ESF1: variants seen among roughly 807,000 people sequenced by gnomAD.
The protein encoded by ESF1 is ESF1 homolog.
ESF1 carries 58 observed loss-of-function variants against 92.0 expected under a neutral mutation model. That is an observed-to-expected ratio of 0.63 (90% CI 0.51 to 0.78). The LOEUF is 0.78. Ranked by LOEUF, ESF1 falls within the 30% of genes least tolerant of loss-of-function variation. The pLI is 0.00. For missense variants in ESF1, 922 were observed against 989.1 expected (o/e 0.93, Z 0.91); for synonymous variants, 321 against 313.7 (o/e 1.02, Z -0.24).
intron 10 of ESF1, among the ~76,000 whole-genome samples, chr20:13,731,102 A>G (rs2049939692): frequency 6.6e-6 from 1 of 152,176 alleles, no homozygotes; most frequent in African/African-American, 2.4e-5. Context: ...GACTTAGCCC[A>G]AATGAATGGA....
At chr20:13,733,548 C>T (rs2049957142) in intron 10 of ESF1, among the ~76,000 whole-genome samples, 173 bp downstream of exon 10, 1 of 152,138 alleles carries the variant, frequency 6.6e-6, no homozygotes, top group Admixed American at 6.5e-5. Flanking sequence ...CATTATGTGG[C>T]CATGATGAAA....
chr20:13,722,718 G>A (rs1240184856), intron 11 of ESF1, among the ~76,000 whole-genome samples: 1 of 151,748 alleles, frequency 6.6e-6, no homozygotes, highest in East Asian at 1.9e-4. Flanking sequence ...CAGGCATGGT[G>A]GTGTATGCCT....
chr20:13,754,096 T>G (rs1308513837), intron 9 of ESF1, among the ~76,000 whole-genome samples: 2 of 152,186 alleles, frequency 1.3e-5, no homozygotes, highest in Non-Finnish European at 2.9e-5. Context: ...TTGCCTCTAC[T>G]TACTGTCTCT....
intron 9 of ESF1, among the ~76,000 whole-genome samples, chr20:13,748,475 TAC>T (rs919192966): frequency 2.1e-5 from 3 of 144,562 alleles, no homozygotes; most frequent in Non-Finnish European, 4.5e-5. Context: ...TACACATATA[TAC>T]ACATATACAC....
chr20:13,730,760 A>G (rs77357388), intron 10 of ESF1, among the ~76,000 whole-genome samples: 7,856 of 151,780 alleles, frequency 0.052, 374 homozygotes, highest in African/African-American at 0.12. Context: ...TACTTTTAAC[A>G]AAGAATATTT....
At chr20:13,765,964 T>C (rs1052461707) in intron 8 of ESF1, among the ~76,000 whole-genome samples, 1 of 152,224 alleles carries the variant, frequency 6.6e-6, no homozygotes, top group East Asian at 1.9e-4. Context: ...AATAGCCAAA[T>C]ACAACCTCCA....
At chr20:13,753,348 C>T (rs1978725549) in intron 9 of ESF1, among the ~76,000 whole-genome samples, 1 of 151,022 alleles carries the variant, frequency 6.6e-6, no homozygotes, top group Non-Finnish European at 1.5e-5. Flanking sequence ...ATTTTTCTCT[C>T]CCACTGTCCC....
At chr20:13,738,043 C>A (rs886945722) in intron 9 of ESF1, among the ~76,000 whole-genome samples, 2 of 152,176 alleles carry the variant, frequency 1.3e-5, no homozygotes, top group Non-Finnish European at 2.9e-5. Flanking sequence ...AACTCTCCAC[C>A]CCAATGGTGT....
rs766840858 is a variant in ESF1 at position 13,782,750 on chromosome 20, A to T, written c.391T>A (p.Leu131Ile). ...TTTTTAATTCCTATAGAATTATCTA[A>T]ATCAGTTTTATTTTCAGAACCCTTG... ...NHKGSENKTD[L>I]DNSIGIKKMK... The change falls in exon 2 of 14, where the codon TTA becomes ATA. Residue 131 changes from leucine (L) to isoleucine (I), a missense_variant. Leu to Ile is a conservative substitution (Grantham distance 5). Transcript: ENST00000617257. 2 of 1,595,604 alleles carry T rather than the reference A, an allele frequency of 1.3e-6. No homozygotes were observed. Among genetic ancestry groups the T allele is most frequent in the South Asian group, 2.3e-5 (2 of 85,398 alleles).
intron 9 of ESF1, among the ~76,000 whole-genome samples, chr20:13,748,146 G>A (rs993829592): frequency 3.3e-5 from 5 of 152,146 alleles, no homozygotes; most frequent in African/African-American, 1.2e-4. Flanking sequence ...ATTTTCCATA[G>A]CTTGCCTTAT....
intron 9 of ESF1, among the ~76,000 whole-genome samples, chr20:13,734,117 CA>C (rs2049961620): frequency 6.6e-6 from 1 of 152,152 alleles, no homozygotes; most frequent in South Asian, 2.1e-4. Flanking sequence ...ATGGTCAAGC[CA>C]CTAAAGAAAA....
intron 8 of ESF1, among the ~76,000 whole-genome samples, chr20:13,760,313 C>A (rs1381347163): frequency 6.7e-6 from 1 of 149,212 alleles, no homozygotes; most frequent in African/African-American, 2.5e-5. Flanking sequence ...AAGTGAGGAG[C>A]GCCTCTTCCC....
rs962554497 is a variant in ESF1, at chr20:13,784,883, C to T, written c.-47G>A. On this transcript the variant is annotated 5_prime_UTR_variant, in exon 1 of 14. Transcript: ENST00000617257. ...ACTCCAGTCCATCCCCACTCACCGT[C>T]CGCAGTCCTACCAAGCCTCACGTGG... is the stretch of plus-strand genomic sequence containing the variant. 1.6e-6 allele frequency: 1 copy of T among 612,446 alleles called. No homozygotes were observed. Among genetic ancestry groups the T allele is most frequent in the East Asian group, 2.8e-5 (1 of 36,348 alleles). 37.9% of individuals were successfully genotyped at this position (612,446 alleles called of 1,614,324 possible).
intron 9 of ESF1, among the ~76,000 whole-genome samples, chr20:13,734,311 C>T (rs1253649942): frequency 6.6e-6 from 1 of 152,158 alleles, no homozygotes; most frequent in African/African-American, 2.4e-5. Flanking sequence ...ATGTTCTCTG[C>T]AAACTACAGG....
rs956928267 is a variant in ESF1 at position 13,766,631 on chromosome 20, A to T, written c.1666+146T>A. Reference sequence around the variant, plus strand: ...AGTTAAAGAAATTCAGGCAAAGAAAATTTTTTTTTAAAAAAATCAATCACT... The same window carrying T: ...AGTTAAAGAAATTCAGGCAAAGAAATTTTTTTTTTAAAAAAATCAATCACT... On this transcript the variant is annotated intron_variant, in intron 8 of 13. Coordinates refer to ENST00000617257, the MANE Select transcript of ESF1 (RefSeq NM_001276380.2). 45 of 687,168 alleles carry T rather than the reference A, an allele frequency of 6.5e-5. No homozygotes were observed. In the Middle Eastern group the frequency reaches 1.4e-3, roughly 21 times the overall value. 42.6% of individuals were successfully genotyped at this position (687,168 alleles called of 1,614,324 possible).
chr20:13,783,480 T>C (rs1302848101), intron 1 of ESF1, among the ~76,000 whole-genome samples: 1 of 152,186 alleles, frequency 6.6e-6, no homozygotes, highest in Non-Finnish European at 1.5e-5. Flanking sequence ...TCCATTGCTC[T>C]CACTTAGAAT....
rs367746517 is a variant in ESF1, at chr20:13,733,180, C to G, written c.1950+541G>C. ...ACCTCAGGTGATCCACCTGCCTTGGCCTCCCAAAGTGCACGGATTACAGGC... is the reference window on the plus strand; with the variant it reads ...ACCTCAGGTGATCCACCTGCCTTGGGCTCCCAAAGTGCACGGATTACAGGC... On this transcript the variant is annotated intron_variant, in intron 10 of 13. Coordinates refer to ENST00000617257, the MANE Select transcript of ESF1 (RefSeq NM_001276380.2). Among the ~76,000 whole-genome samples, 43 of 152,176 alleles carry G rather than the reference C, an allele frequency of 2.8e-4. 1 individual carries two copies. The East Asian group carries it at 3.7e-3, about 13-fold the overall frequency.
At chr20:13,748,552 A>G (rs867988885) in intron 9 of ESF1, among the ~76,000 whole-genome samples, 2 of 42,092 alleles carry the variant, frequency 4.8e-5, no homozygotes, top group Admixed American at 2.6e-4. Context: ...GTGTGTGTAT[A>G]TATATATATA....
intron 1 of ESF1, among the ~76,000 whole-genome samples, chr20:13,784,293 C>G (rs1191084506): frequency 1.4e-5 from 2 of 147,050 alleles, no homozygotes; most frequent in Non-Finnish European, 1.5e-5. Flanking sequence ...AACCCCCCCC[C>G]AAAATGATTA....
Sources: gnomAD v4.1 joint callset for allele counts (sites outside exome capture counted in the v4.1 genomes callset) on GRCh38, gnomAD v4.1.1 for gene constraint, MANE v1.5 for transcripts, NCBI Gene and HGNC (gene_info 2026-07-23, HGNC 2026-07-21) for gene names.